The following PTPRU variants were observed in gnomAD, a reference collection of about 807,000 sequenced individuals.
PTPRU encodes the protein receptor-type tyrosine-protein phosphatase U.
Under a neutral mutation model 166.3 loss-of-function variants are expected in PTPRU, and 69 were observed. The ratio of observed to expected loss-of-function variants is 0.41; its 90% CI spans 0.34 to 0.51. The LOEUF is 0.51. PTPRU is among the 20% of genes least tolerant of loss of function. The probability of loss-of-function intolerance (pLI) is 0.09; values close to 1 mark genes in which losing one functional copy is unlikely to be tolerated. For missense variants in PTPRU, 1,657 were observed against 2,013.7 expected (o/e 0.82, Z 3.39); for synonymous variants, 793 against 814.0 (o/e 0.97, Z 0.44).
chr1:29,254,657 C>T (rs940952001), intron 1 of PTPRU, among the ~76,000 whole-genome samples: 1 of 152,200 alleles, frequency 6.6e-6, no homozygotes, highest in African/African-American at 2.4e-5. Flanking sequence ...TAGCATTGTG[C>T]CCGGCTTGAG....
chr1:29,305,684 G>C, intron 18 of PTPRU: 1 of 666,292 alleles, frequency 1.5e-6, no homozygotes, highest in Non-Finnish European at 2.8e-6. Flanking sequence ...GGAAGAGGCA[G>C]ACAGCTAGGC....
At chr1:29,289,709 A>T (rs1450709407) in intron 14 of PTPRU, 1 of 1,613,808 alleles carries the variant, frequency 6.2e-7, no homozygotes, top group Non-Finnish European at 8.5e-7. Context: ...TACTCCTACT[A>T]CCCGTAAGTA....
In PTPRU at chr1:29,238,027, C is replaced by CTT. The variant is rs1168072018; in HGVS notation, c.73+1312_73+1313dup. Among the ~76,000 whole-genome samples, 2 of 151,310 alleles carry CTT rather than the reference C, an allele frequency of 1.3e-5. No homozygotes were observed. Among genetic ancestry groups the CTT allele is most frequent in the Non-Finnish European group, 3.0e-5 (2 of 67,734 alleles). On this transcript the variant is annotated intron_variant, in intron 1 of 29. Transcript: ENST00000373779. The surrounding 1 kb of genome is among the most constrained non-coding windows in gnomAD (Gnocchi z 6.1). Reference sequence around the variant, plus strand: ...GACACTCCCTTGGTGGAGCCTGCAACTTTGTGCGGCCTCCCGGCCGGCCGG... The same window carrying CTT: ...GACACTCCCTTGGTGGAGCCTGCAACTTTTTGTGCGGCCTCCCGGCCGGCCGG...
At chr1:29,323,070 T>TA in intron 26 of PTPRU, 1 of 316,498 alleles carries the variant, frequency 3.2e-6, no homozygotes, top group Non-Finnish European at 6.1e-6. Flanking sequence ...TAGGAGCGTG[T>TA]GAACCGGTTA....
At position 29,282,708 on chromosome 1, in the gene PTPRU, C is replaced by A. The variant is rs758440077; in HGVS notation, c.1901C>A (p.Ala634Glu). The part of the protein sequence containing the change: ...VYQVIVEEER[A>E]RRLRREPGGQ... ...CAGGTGATTGTGGAGGAGGAGCGGG[C>A]GCGGAGGCTGCGGCGGGAGCCAGGT... Residue 634 changes from alanine (A) to glutamate (E), a missense_variant, in exon 12 of 30, where the codon GCG (alanine) becomes GAG (glutamate). Transcript: ENST00000373779. 2 of 1,613,102 alleles carry A rather than the reference C, an allele frequency of 1.2e-6. No homozygotes were observed. Among genetic ancestry groups the A allele is most frequent in the Non-Finnish European group, 1.7e-6 (2 of 1,179,924 alleles).
intron 15 of PTPRU, among the ~76,000 whole-genome samples, chr1:29,299,119 CAGA>C (rs745935232): frequency 1.3e-5 from 2 of 152,170 alleles, no homozygotes; most frequent in Admixed American, 1.3e-4. Flanking sequence ...TTTTCATTTC[CAGA>C]AGAAGAAACT....
chr1:29,287,656 G>A (rs1473601618), intron 14 of PTPRU, among the ~76,000 whole-genome samples: 9 of 150,590 alleles, frequency 6.0e-5, no homozygotes, highest in African/African-American at 1.5e-4. Flanking sequence ...GTGCGGTGGC[G>A]CGATCTCAGC....
chr1:29,300,094 C>T (rs1411067405), intron 15 of PTPRU, among the ~76,000 whole-genome samples: 1 of 152,176 alleles, frequency 6.6e-6, no homozygotes, highest in Non-Finnish European at 1.5e-5. Context: ...TTAATATTTA[C>T]ATCATCATAT....
rs765691169 is a variant in PTPRU at position 29,311,771 on chromosome 1, C to T, written c.3072+12C>T. 5 of 1,608,638 alleles carry T rather than the reference C, an allele frequency of 3.1e-6. No homozygotes were observed. Among genetic ancestry groups the T allele is most frequent in the African/African-American group, 2.7e-5 (2 of 74,792 alleles). On this transcript the variant is annotated intron_variant, in intron 21 of 29. Coordinates refer to ENST00000373779, the MANE Select transcript of PTPRU (RefSeq NM_133178.4). This position sits in a 1 kb window ranked among gnomAD's most constrained non-coding sequence, Gnocchi z 4.1. ...TTGCCCTGGAGCGGGTGAGTCTCCC[C>T]ACCGCCTGTTCCCTGCAGAGGGTGC...
intron 12 of PTPRU, 167 bp from the exon 13 acceptor site, chr1:29,283,773 C>G (rs978043070): frequency 1.3e-6 from 1 of 752,902 alleles, no homozygotes; most frequent in East Asian, 2.5e-5. Context: ...CTCTAGGCCC[C>G]GCTCTCAAGG....
chr1:29,279,209 A>C lies in PTPRU; in HGVS notation c.1563+88A>C. 1 of 1,181,208 alleles carries C rather than the reference A, an allele frequency of 8.5e-7. No homozygotes were observed. The highest frequency in any genetic ancestry group is 1.2e-6 in the Non-Finnish European group (1 of 817,176). The allele number at this position is 1,181,208 out of a possible 1,614,324, so 73.2% of individuals were successfully genotyped here. On this transcript the variant is annotated intron_variant, in intron 9 of 29. Transcript: ENST00000373779. The surrounding 1 kb of genome is among the most constrained non-coding windows in gnomAD (Gnocchi z 5.2). ...TCTCTGCTGCTACAGTAGGAGGTGC[A>C]TGGGAGGACAGATGTGATTGTCATA... is the stretch of plus-strand genomic sequence containing the variant.
Position 29,283,650 on chromosome 1 carries a change from C to G in PTPRU, c.2143-290C>G. ...GGTTTCTGACTTCCTAGCTGGACCT[C>G]TGGCCCTAGGCCTCGCCCCGATGCC... On this transcript the variant is annotated intron_variant, in intron 12 of 29. Transcript: ENST00000373779. 6.4e-6 allele frequency: 3 copies of G among 469,892 alleles called. No homozygotes were observed. The East Asian group carries it at 1.1e-4, about 18-fold the overall frequency. 29.1% of individuals were successfully genotyped at this position (469,892 alleles called of 1,614,324 possible). A position where few individuals can be genotyped will look rare whatever the true frequency, so the allele number is the denominator to read the frequency against.
chr1:29,259,692 C>A, intron 5 of PTPRU, 128 bp downstream of exon 5: 1 of 1,238,954 alleles, frequency 8.1e-7, no homozygotes, highest in Non-Finnish European at 1.1e-6. Flanking sequence ...GCGTCCCGGC[C>A]CTCCCCTAGC....
At chr1:29,259,600 T>TGGCCGTGGGGGGTGGGGGGGGGGGGGGGG in intron 5 of PTPRU, 36 bp downstream of exon 5, 1 of 253,696 alleles carries the variant, frequency 3.9e-6, no homozygotes, top group Non-Finnish European at 7.7e-6. Context: ...GGGGGCGGGG[T>TGGCCGTGGGGGGTGGGGGGGGGGGGGGGG]GGGAGGGGGT....
chr1:29,270,466 C>G (rs1685511947), intron 7 of PTPRU, among the ~76,000 whole-genome samples: 1 of 152,112 alleles, frequency 6.6e-6, no homozygotes, highest in East Asian at 1.9e-4. Flanking sequence ...ACCACCATGC[C>G]TGGCTAATTT....
chr1:29,303,037 T>C (rs986515594), intron 15 of PTPRU, among the ~76,000 whole-genome samples: 2 of 152,168 alleles, frequency 1.3e-5, no homozygotes, highest in African/African-American at 4.8e-5. Flanking sequence ...ATACACTCTG[T>C]GGTGTTCGCA....
Position 29,271,923 on chromosome 1 carries a change from C to A in PTPRU, c.1145-3525C>A, listed in dbSNP as rs1216488909. ...ATGGTGTGAGCTGAGCTGCAGGGAA[C>A]AGAGAGCCACTCCCAGTAGTGCAAA... On this transcript the variant is annotated intron_variant, in intron 7 of 29. Transcript: ENST00000373779. The surrounding 1 kb of genome is among the most constrained non-coding windows in gnomAD (Gnocchi z 4.4). Among the ~76,000 whole-genome samples the A allele has an allele frequency of 6.6e-6, 1 of 152,152 alleles. No homozygotes were observed.
In PTPRU at chr1:29,269,118, C is replaced by A. The variant is rs564987205; in HGVS notation, c.1145-6330C>A. Among the ~76,000 whole-genome samples, 4 of 150,806 alleles carry A rather than the reference C, an allele frequency of 2.7e-5. No homozygotes were observed. In the East Asian group the frequency reaches 7.8e-4, roughly 29 times the overall value. ...GCAGTGGCACGATCATAGCTCACTG[C>A]GTGCAGCCTTGAACTCCTGGGCTCA... On this transcript the variant is annotated intron_variant, in intron 7 of 29. Coordinates refer to ENST00000373779, the MANE Select transcript of PTPRU (RefSeq NM_133178.4).
At chr1:29,277,803 C>CTTTTTTTATTTT (rs1685875903) in intron 8 of PTPRU, among the ~76,000 whole-genome samples, 1 of 50,564 alleles carries the variant, frequency 2.0e-5, no homozygotes, top group African/African-American at 9.2e-5. Context: ...AGTTGTCATT[C>CTTTTTTTATTTT]TTTTTTTTTT....
Sources: allele counts gnomAD v4.1 joint callset (sites outside exome capture counted in the v4.1 genomes callset), GRCh38; gene constraint gnomAD v4.1.1; non-coding constraint Gnocchi (gnomAD v3.1); transcripts MANE v1.5; gene names NCBI Gene and HGNC (gene_info 2026-07-23, HGNC 2026-07-21).